Variants in PLXDC2 observed in about 807,000 individuals in gnomAD.
PLXDC2 encodes plexin domain-containing protein 2.
A neutral mutation model predicts 68.9 loss-of-function variants in PLXDC2; 40 were observed. That is an observed-to-expected ratio of 0.58 (90% confidence interval 0.45 to 0.76). The LOEUF (loss-of-function observed/expected upper bound fraction) is 0.76, where lower values mean the gene tolerates loss of function less well. Among genes scored for constraint, PLXDC2 ranks in the 30% least tolerant of loss-of-function variants. PLXDC2 has a pLI of 0.00. For synonymous variants in PLXDC2, 243 were observed against 234.2 expected (o/e 1.04, Z -0.34); for missense variants, 644 against 661.9 (o/e 0.97, Z 0.30).
At chr10:19,976,551 C>T (rs1834459393) in intron 1 of PLXDC2, among the ~76,000 whole-genome samples, 1 of 152,104 alleles carries the variant, frequency 6.6e-6, no homozygotes, top group African/African-American at 2.4e-5. Flanking sequence ...TCTCTTCTTT[C>T]TCTCTTTCTC....
intron 1 of PLXDC2, among the ~76,000 whole-genome samples, chr10:19,937,020 G>A (rs1447954491): frequency 1.3e-5 from 2 of 152,082 alleles, no homozygotes; most frequent in African/African-American, 4.8e-5. Context: ...TGTTCCTATT[G>A]ACTTTGTAAA....
chr10:20,200,429 A>G (rs1261291684), intron 9 of PLXDC2, among the ~76,000 whole-genome samples: 1 of 152,112 alleles, frequency 6.6e-6, no homozygotes, highest in East Asian at 1.9e-4. Context: ...TTAAAATGAC[A>G]TAAGTAATCT....
At chr10:20,185,350 A>G (rs1015320875) in intron 9 of PLXDC2, among the ~76,000 whole-genome samples, 1 of 151,846 alleles carries the variant, frequency 6.6e-6, no homozygotes, top group Non-Finnish European at 1.5e-5. Context: ...GGGAATTCCT[A>G]GCATATTTTG....
At chr10:19,908,807 GTA>G (rs980532367) in intron 1 of PLXDC2, among the ~76,000 whole-genome samples, 9 of 152,072 alleles carry the variant, frequency 5.9e-5, no homozygotes, top group Non-Finnish European at 7.4e-5. Flanking sequence ...GGGTCTTTGT[GTA>G]TTTCCAGGGA....
rs1167332795 is a variant in PLXDC2 at position 20,279,694 on chromosome 10, C to T, written c.1474-9C>T. 6.2e-7 allele frequency: 1 copy of T among 1,610,822 alleles called. No individual in the cohort carries two copies. Among genetic ancestry groups the T allele is most frequent in the Non-Finnish European group, 8.5e-7 (1 of 1,178,122 alleles). ...CGCACATTTTTTATTTTTGTGTTTT[C>T]TGTTTCAGAGACGCCCAAGCAGATG... On this transcript the variant is annotated splice_polypyrimidine_tract_variant and intron_variant, in intron 13 of 13. Transcript: ENST00000377252.
chr10:19,866,183 G>A (rs1048267010), intron 1 of PLXDC2, among the ~76,000 whole-genome samples: 26 of 152,150 alleles, frequency 1.7e-4, no homozygotes, highest in African/African-American at 6.3e-4. Flanking sequence ...TAGTCTTAGG[G>A]TATTCTTTAT....
intron 4 of PLXDC2, among the ~76,000 whole-genome samples, chr10:20,115,414 G>A (rs1399661716): frequency 4.6e-5 from 7 of 152,150 alleles, no homozygotes; most frequent in Non-Finnish European, 1.0e-4. Flanking sequence ...GGTAACAACA[G>A]TAGAGATCAC....
At chr10:20,132,548 A>G (rs1005961506) in intron 4 of PLXDC2, among the ~76,000 whole-genome samples, 4 of 152,090 alleles carry the variant, frequency 2.6e-5, no homozygotes, top group African/African-American at 9.7e-5. Context: ...GGGCATAACT[A>G]TTTACAATTT....
intron 1 of PLXDC2, among the ~76,000 whole-genome samples, chr10:19,966,981 TA>T (rs1028104544): frequency 6.6e-6 from 1 of 152,172 alleles, no homozygotes; most frequent in Non-Finnish European, 1.5e-5. Flanking sequence ...TGCCCAGACG[TA>T]AATCCCAGCC....
intron 2 of PLXDC2, among the ~76,000 whole-genome samples, chr10:20,013,525 A>G (rs923442964): frequency 2.6e-5 from 4 of 152,190 alleles, no homozygotes; most frequent in African/African-American, 7.2e-5. Flanking sequence ...CATTTAGGTT[A>G]TAATATTCTT....
At chr10:20,034,232 A>G (rs1835544341) in intron 2 of PLXDC2, among the ~76,000 whole-genome samples, 1 of 152,182 alleles carries the variant, frequency 6.6e-6, no homozygotes, top group Non-Finnish European at 1.5e-5. Context: ...TTACATATAT[A>G]TGATTTCATT....
chr10:20,000,414 A>G (rs1310759825), intron 1 of PLXDC2, among the ~76,000 whole-genome samples: 1 of 151,784 alleles, frequency 6.6e-6, no homozygotes, highest in South Asian at 2.1e-4. Flanking sequence ...CTAACATTCT[A>G]TGAGCTCAAG....
intron 6 of PLXDC2, among the ~76,000 whole-genome samples, chr10:20,151,432 G>C (rs1834151708): frequency 6.6e-6 from 1 of 152,120 alleles, no homozygotes; most frequent in Admixed American, 6.5e-5. Flanking sequence ...TTTGGAAATA[G>C]ATCATACATG....
intron 1 of PLXDC2, among the ~76,000 whole-genome samples, chr10:19,902,941 A>G (rs1458207000): frequency 1.3e-5 from 2 of 151,686 alleles, no homozygotes; most frequent in Non-Finnish European, 3.0e-5. Context: ...AGATGATCAC[A>G]TCATTTTTAA....
At chr10:19,924,942 C>T (rs1833514587) in intron 1 of PLXDC2, among the ~76,000 whole-genome samples, 1 of 152,298 alleles carries the variant, frequency 6.6e-6, no homozygotes, top group South Asian at 2.1e-4. Context: ...TGGCCTGTCC[C>T]ACATCTCAAT....
intron 13 of PLXDC2, among the ~76,000 whole-genome samples, chr10:20,278,858 A>C (rs555766181): frequency 1.3e-5 from 2 of 152,320 alleles, no homozygotes; most frequent in African/African-American, 4.8e-5. Context: ...AAAATGGAGT[A>C]ATAGTTTCTA....
intron 9 of PLXDC2, among the ~76,000 whole-genome samples, chr10:20,191,612 G>C (rs1190428026): frequency 6.6e-6 from 1 of 150,830 alleles, no homozygotes; most frequent in Non-Finnish European, 1.5e-5. Flanking sequence ...AGGGGCCCTG[G>C]TGTGTGTTGT....
At chr10:19,943,908 G>T (rs1422652925) in intron 1 of PLXDC2, among the ~76,000 whole-genome samples, 1 of 152,176 alleles carries the variant, frequency 6.6e-6, no homozygotes, top group Non-Finnish European at 1.5e-5. Flanking sequence ...TGCATTGTTT[G>T]TTGGGAACAT....
At chr10:20,127,207 A>G (rs971782739) in intron 4 of PLXDC2, among the ~76,000 whole-genome samples, 4 of 152,134 alleles carry the variant, frequency 2.6e-5, no homozygotes, top group Admixed American at 1.3e-4. Context: ...TTCCTAAATG[A>G]ATGGGATTTA....
Sources: allele counts gnomAD v4.1 joint callset (sites outside exome capture counted in the v4.1 genomes callset), GRCh38; gene constraint gnomAD v4.1.1; transcripts MANE v1.5; gene names NCBI Gene and HGNC (gene_info 2026-07-23, HGNC 2026-07-21).